Variants in CNTN5 observed in about 807,000 individuals in gnomAD.
CNTN5 encodes contactin 5.
In CNTN5, 77 loss-of-function variants were observed where a neutral mutation model predicts 129.1. That is an observed-to-expected ratio of 0.60 (90% confidence interval 0.50 to 0.72). The LOEUF (loss-of-function observed/expected upper bound fraction) is 0.72, where lower values mean the gene tolerates loss of function less well. Among genes scored for constraint, CNTN5 ranks in the 30% least tolerant of loss-of-function variants. The pLI is 0.00. For synonymous variants in CNTN5, 509 were observed against 465.6 expected (o/e 1.09, Z -1.20); for missense variants, 1,478 against 1,328.8 (o/e 1.11, Z -1.75).
intron 3 of CNTN5, among the ~76,000 whole-genome samples, chr11:99,729,330 C>T (rs1395878649): frequency 6.6e-6 from 1 of 151,914 alleles, no homozygotes; most frequent in Non-Finnish European, 1.5e-5. Flanking sequence ...TTTGTGGGCA[C>T]ATGTTAAGGT....
At chr11:99,144,427 A>G (rs1026278329) in intron 1 of CNTN5, among the ~76,000 whole-genome samples, 2 of 152,214 alleles carry the variant, frequency 1.3e-5, no homozygotes, top group African/African-American at 2.4e-5. Flanking sequence ...TCAAGAATGC[A>G]GCATCTCAGA....
intron 1 of CNTN5, among the ~76,000 whole-genome samples, chr11:99,123,057 A>G (rs1858433430): frequency 6.6e-6 from 1 of 152,150 alleles, no homozygotes. Flanking sequence ...TTGGGTATAT[A>G]CCCCAAAATG....
chr11:99,309,035 T>C (rs888241124), intron 1 of CNTN5, among the ~76,000 whole-genome samples: 1 of 152,142 alleles, frequency 6.6e-6, no homozygotes, highest in African/African-American at 2.4e-5. Flanking sequence ...ATCATCTACA[T>C]ATTTTCTATA....
chr11:100,216,422 A>T (rs1949140024), intron 15 of CNTN5, among the ~76,000 whole-genome samples: 1 of 152,180 alleles, frequency 6.6e-6, no homozygotes, highest in Non-Finnish European at 1.5e-5. Context: ...AAAAAGATAT[A>T]TCAGTAAAAT....
At chr11:99,779,135 A>G (rs1945226010) in intron 3 of CNTN5, among the ~76,000 whole-genome samples, 1 of 151,918 alleles carries the variant, frequency 6.6e-6, no homozygotes, top group African/African-American at 2.4e-5. Flanking sequence ...ATACTTTATA[A>G]ACATTTGCAT....
At chr11:99,074,794 G>T (rs1283309787) in intron 1 of CNTN5, among the ~76,000 whole-genome samples, 1 of 152,048 alleles carries the variant, frequency 6.6e-6, no homozygotes, top group Non-Finnish European at 1.5e-5. Flanking sequence ...TCTACTATAT[G>T]CCCAGAAAGG....
At chr11:99,778,774 A>G (rs889569018) in intron 3 of CNTN5, among the ~76,000 whole-genome samples, 5 of 151,944 alleles carry the variant, frequency 3.3e-5, no homozygotes, top group African/African-American at 1.2e-4. Flanking sequence ...GTAAGAAATA[A>G]AAAGTGAGTT....
rs183279615 is a variant in CNTN5, at chr11:99,580,615, C to T, written c.55+24346C>T. Among the ~76,000 whole-genome samples the T allele has an allele frequency of 5.9e-5, 9 of 152,228 alleles. No individual in the cohort carries two copies. In the East Asian group the frequency reaches 7.7e-4, roughly 13 times the overall value. On this transcript the variant is annotated intron_variant, in intron 3 of 24. Transcript: ENST00000524871. Reference sequence around the variant, plus strand: ...TCTTCTAGATTTTCTAGTTTATTTGCGTAGACGTGTTTATAGTATTCTCTG... The same window carrying T: ...TCTTCTAGATTTTCTAGTTTATTTGTGTAGACGTGTTTATAGTATTCTCTG...
intron 1 of CNTN5, among the ~76,000 whole-genome samples, chr11:99,273,439 C>A: frequency 6.6e-6 from 1 of 151,786 alleles, no homozygotes; most frequent in East Asian, 1.9e-4. Flanking sequence ...TTGTACAGAA[C>A]CATTTTTCTT....
intron 2 of CNTN5, among the ~76,000 whole-genome samples, chr11:99,400,332 C>T (rs553214711): frequency 6.6e-6 from 1 of 152,004 alleles, no homozygotes; most frequent in Admixed American, 6.6e-5. Context: ...TCATTATGAA[C>T]GGAATGAACA....
At chr11:99,920,954 A>G (rs1324152417) in intron 7 of CNTN5, among the ~76,000 whole-genome samples, 5 of 152,018 alleles carry the variant, frequency 3.3e-5, no homozygotes, top group African/African-American at 4.8e-5. Context: ...GGCCTTTATG[A>G]TAAGATTAAT....
chr11:100,042,635 A>G (rs1012143783), intron 9 of CNTN5, among the ~76,000 whole-genome samples: 1 of 152,222 alleles, frequency 6.6e-6, no homozygotes, highest in African/African-American at 2.4e-5. Context: ...TCTTTAAAAA[A>G]TACCTTTAAT....
chr11:99,537,506 G>A (rs1001630621), intron 2 of CNTN5, among the ~76,000 whole-genome samples: 2 of 151,956 alleles, frequency 1.3e-5, no homozygotes, highest in Non-Finnish European at 2.9e-5. Context: ...AATAATAGAT[G>A]GTAATTACCA....
chr11:99,420,736 C>T (rs1351954688), intron 2 of CNTN5, among the ~76,000 whole-genome samples: 1 of 152,190 alleles, frequency 6.6e-6, no homozygotes, highest in Non-Finnish European at 1.5e-5. Context: ...GGCTGCTTCA[C>T]TGGTTAACTG....
intron 2 of CNTN5, among the ~76,000 whole-genome samples, chr11:99,400,673 G>A (rs1224191416): frequency 6.6e-6 from 1 of 151,944 alleles, no homozygotes; most frequent in Admixed American, 6.6e-5. Context: ...TCCAAAGTGG[G>A]TGTACTATTC....
chr11:99,388,481 TA>T, intron 2 of CNTN5, among the ~76,000 whole-genome samples: 1 of 151,236 alleles, frequency 6.6e-6, no homozygotes, highest in South Asian at 2.1e-4. Context: ...TGTACGCTTG[TA>T]AACTACTTGA....
At chr11:99,201,638 T>G (rs1465191562) in intron 1 of CNTN5, among the ~76,000 whole-genome samples, 1 of 152,036 alleles carries the variant, frequency 6.6e-6, no homozygotes, top group Admixed American at 6.6e-5. Flanking sequence ...ATGGGCACAC[T>G]GGAATTAGGT....
intron 3 of CNTN5, among the ~76,000 whole-genome samples, chr11:99,699,105 C>T (rs542081203): frequency 1.3e-5 from 2 of 151,468 alleles, no homozygotes; most frequent in African/African-American, 4.8e-5. Context: ...ATTTTCTTCT[C>T]ACCAAGATTT....
chr11:100,285,842 T>G lies in CNTN5; in HGVS notation c.2315-11783T>G, dbSNP rs11827124. Among the ~76,000 whole-genome samples the G allele has an allele frequency of 5.2e-3, 795 of 152,198 alleles. 6 individuals are homozygous for G. The highest frequency in any genetic ancestry group is 0.018 in the African/African-American group (740 of 41,556). On this transcript the variant is annotated intron_variant, in intron 18 of 24. Transcript: ENST00000524871. ...GTGATTTCTGCATTTCCATCTGAGGTACCGGGTTCATCTCACTAGGGAGTG... is the reference window on the plus strand; with the variant it reads ...GTGATTTCTGCATTTCCATCTGAGGGACCGGGTTCATCTCACTAGGGAGTG...
Sources: gnomAD v4.1 joint callset for allele counts (sites outside exome capture counted in the v4.1 genomes callset) on GRCh38, gnomAD v4.1.1 for gene constraint, MANE v1.5 for transcripts, NCBI Gene and HGNC (gene_info 2026-07-23, HGNC 2026-07-21) for gene names.